RIMBP2: variants seen among roughly 807,000 people sequenced by gnomAD.
RIMBP2 encodes the protein RIMS binding protein 2, also known as RIMS-binding protein 2.
RIMBP2 carries 48 observed loss-of-function variants against 118.6 expected under a neutral mutation model. The observed-to-expected ratio is 0.40, with a 90% CI of 0.32 to 0.51. The LOEUF is 0.51. Ranked by LOEUF, RIMBP2 falls within the 20% of genes least tolerant of loss-of-function variation. The pLI, the probability that RIMBP2 is intolerant of heterozygous loss-of-function variation, is 0.41. For synonymous variants in RIMBP2, 762 were observed against 742.9 expected (o/e 1.03, Z -0.42); for missense variants, 1,551 against 1,768.3 (o/e 0.88, Z 2.20).
At chr12:130,474,273 T>C (rs1034080003) in intron 5 of RIMBP2, among the ~76,000 whole-genome samples, 3 of 152,164 alleles carry the variant, frequency 2.0e-5, no homozygotes, top group African/African-American at 7.2e-5. Flanking sequence ...TGACTATTCA[T>C]TGATTCCCTC....
intron 6 of RIMBP2, among the ~76,000 whole-genome samples, chr12:130,460,997 G>A (rs551668088): frequency 1.2e-4 from 19 of 152,236 alleles, no homozygotes; most frequent in South Asian, 1.0e-3. Context: ...ACCTCCTCCC[G>A]GAGGGTGTTT....
intron 1 of RIMBP2, among the ~76,000 whole-genome samples, chr12:130,635,962 C>T (rs1378910890): frequency 1.3e-5 from 2 of 152,150 alleles, no homozygotes; most frequent in South Asian, 2.1e-4. Context: ...CTATGTCCCT[C>T]CCCTGCCAAA....
intron 3 of RIMBP2, among the ~76,000 whole-genome samples, chr12:130,516,950 G>A (rs1404368757): frequency 6.6e-6 from 1 of 152,186 alleles, no homozygotes; most frequent in Non-Finnish European, 1.5e-5. Flanking sequence ...CCACAGTGGA[G>A]AGGAGGGGGA....
At chr12:130,438,334 A>ATGCC in intron 12 of RIMBP2, 31 bp downstream of exon 12, 388 of 1,344,330 alleles carry the variant, frequency 2.9e-4, no homozygotes, top group Non-Finnish European at 3.8e-4. Context: ...GGGCCTAACA[A>ATGCC]ACCCTCCCCA....
Position 130,438,351 on chromosome 12 carries a change from C to CCCCCCCCCCA in RIMBP2, c.1656+13_1656+14insTGGGGGGGGG. On this transcript the variant is annotated intron_variant, in intron 12 of 22. Transcript: ENST00000690449. ...GCCTAACAAACCCTCCCCACCCACC[C>CCCCCCCCCCA]AACGAAAACTCACCCTCTGCCCTTT... 6.3e-7 allele frequency: 1 copy of CCCCCCCCCCA among 1,589,936 alleles called. No homozygotes were observed.
chr12:130,527,626 A>G (rs1035478100), intron 2 of RIMBP2, among the ~76,000 whole-genome samples: 1 of 152,232 alleles, frequency 6.6e-6, no homozygotes, highest in South Asian at 2.1e-4. Context: ...TCTGCACAGC[A>G]AAAGAAACTA....
At chr12:130,490,371 T>C (rs2048526851) in intron 4 of RIMBP2, among the ~76,000 whole-genome samples, 1 of 152,180 alleles carries the variant, frequency 6.6e-6, no homozygotes, top group Non-Finnish European at 1.5e-5. Context: ...ATCTACAATT[T>C]AGCTTGGATT....
intron 1 of RIMBP2, among the ~76,000 whole-genome samples, chr12:130,637,619 A>G (rs1475391066): frequency 1.3e-5 from 2 of 152,244 alleles, no homozygotes; most frequent in Non-Finnish European, 2.9e-5. Flanking sequence ...GAATTGATCA[A>G]TGTATCCCTG....
intron 2 of RIMBP2, among the ~76,000 whole-genome samples, chr12:130,536,345 G>A (rs10848139): frequency 0.54 from 81,458 of 152,064 alleles, 23,157 homozygotes; most frequent in East Asian, 0.66. Context: ...GTTAATCTCT[G>A]TGCTTAACAC....
At chr12:130,607,638 C>T (rs1353773718) in intron 2 of RIMBP2, among the ~76,000 whole-genome samples, 3 of 152,046 alleles carry the variant, frequency 2.0e-5, no homozygotes, top group Non-Finnish European at 4.4e-5. Flanking sequence ...TTTCTCCACA[C>T]TCAGCCCGAG....
At position 130,424,526 on chromosome 12, in the gene RIMBP2, C is replaced by G; in HGVS notation, c.2745G>C (p.Arg915=). 8.1e-7 allele frequency: 1 copy of G among 1,232,018 alleles called. No individual in the cohort carries two copies. The highest frequency in any genetic ancestry group is 4.2e-5 in the Admixed American group (1 of 23,724). The allele number at this position is 1,232,018 out of a possible 1,614,324, so 76.3% of individuals were successfully genotyped here. The change falls in exon 16 of 23, where the codon CGG becomes CGC. Residue 915 remains arginine (R), a synonymous_variant. Coordinates refer to ENST00000690449, the MANE Select transcript of RIMBP2 (RefSeq NM_001393629.1). This position sits in a 1 kb window ranked among gnomAD's most constrained non-coding sequence, Gnocchi z 9.8. ...RGCRFSRSAT[R]SPDSGLDCGS... Reference sequence around the variant, plus strand: ...CACAGTCCAGGCCGCTGTCCGGGCTCCGGGTGGCCGAGCGGCTGAACCGAC... The same window carrying G: ...CACAGTCCAGGCCGCTGTCCGGGCTGCGGGTGGCCGAGCGGCTGAACCGAC...
At chr12:130,519,818 A>AAGCTGCCTGGC (rs1286202728) in intron 2 of RIMBP2, among the ~76,000 whole-genome samples, 1 of 152,226 alleles carries the variant, frequency 6.6e-6, no homozygotes, top group Non-Finnish European at 1.5e-5. Context: ...GACCTTGGAC[A>AAGCTGCCTGGC]AGCTGCCTGG....
chr12:130,494,206 G>A (rs1021187167), intron 4 of RIMBP2, among the ~76,000 whole-genome samples: 8 of 152,086 alleles, frequency 5.3e-5, no homozygotes, highest in East Asian at 1.9e-4. Flanking sequence ...GACAGACCCC[G>A]CCCTGGCCCT....
At chr12:130,461,799 C>G (rs1327469182) in intron 6 of RIMBP2, among the ~76,000 whole-genome samples, 1 of 152,114 alleles carries the variant, frequency 6.6e-6, no homozygotes, top group African/African-American at 2.4e-5. Context: ...TGTAAGTTTC[C>G]CAAGGCCTCC....
intron 1 of RIMBP2, among the ~76,000 whole-genome samples, chr12:130,655,647 C>T (rs944701028): frequency 3.3e-5 from 5 of 152,164 alleles, no homozygotes; most frequent in Non-Finnish European, 7.3e-5. Context: ...CTACACAGAG[C>T]GAACAGAGTT....
chr12:130,698,989 A>G (rs2065707728), intron 1 of RIMBP2, among the ~76,000 whole-genome samples: 1 of 152,192 alleles, frequency 6.6e-6, no homozygotes, highest in Non-Finnish European at 1.5e-5. Context: ...AATGCTCATC[A>G]TCACTGGCCA....
chr12:130,424,262 C>T lies in RIMBP2; in HGVS notation c.3009G>A (p.Trp1003Ter). Residue 1003 changes from tryptophan to a stop codon, truncating the protein, a stop_gained, in exon 16 of 23, where the codon TGG becomes TGA. Coordinates refer to ENST00000690449, the MANE Select transcript of RIMBP2 (RefSeq NM_001393629.1). LOFTEE classifies it high-confidence loss of function. This position sits in a 1 kb window ranked among gnomAD's most constrained non-coding sequence, Gnocchi z 9.8. ...AATCTTGGTGCTCGGTGGGCTCGCC[C>T]CAGCCGTGCTTCCTGGGGGGCGGCC... is the stretch of plus-strand genomic sequence containing the variant. Reference protein sequence around the residue: ...PERPPPRKHGWGEPTEHQDFR... With the variant: ...PERPPPRKHG The T allele has an allele frequency of 8.1e-7, 1 of 1,231,814 alleles. No individual in the cohort carries two copies. The highest frequency in any genetic ancestry group is 1.0e-6 in the Non-Finnish European group (1 of 987,884). 76.3% of individuals were successfully genotyped at this position (1,231,814 alleles called of 1,614,324 possible).
chr12:130,569,752 C>T (rs1358097581), intron 2 of RIMBP2, among the ~76,000 whole-genome samples: 1 of 152,186 alleles, frequency 6.6e-6, no homozygotes, highest in South Asian at 2.1e-4. Flanking sequence ...CATGACTGAG[C>T]GTTTCCTGAG....
intron 2 of RIMBP2, among the ~76,000 whole-genome samples, chr12:130,528,241 T>C (rs1485391095): frequency 1.3e-5 from 2 of 152,176 alleles, no homozygotes; most frequent in Admixed American, 1.3e-4. Context: ...ATGGTACGTA[T>C]ACACCATGGA....
Sources: allele counts gnomAD v4.1 joint callset (sites outside exome capture counted in the v4.1 genomes callset), GRCh38; gene constraint gnomAD v4.1.1; non-coding constraint Gnocchi (gnomAD v3.1); transcripts MANE v1.5; gene names NCBI Gene and HGNC (gene_info 2026-07-23, HGNC 2026-07-21).